The following SMAP1 variants were observed in gnomAD, a reference collection of about 807,000 sequenced individuals.
SMAP1 encodes the protein small ArfGAP 1, also known as stromal membrane-associated protein 1.
Under a neutral mutation model 58.5 loss-of-function variants are expected in SMAP1, and 24 were observed. That is an observed-to-expected ratio of 0.41 (90% CI 0.30 to 0.58). SMAP1 has a LOEUF of 0.58. SMAP1 is among the 20% of genes least tolerant of loss of function. The pLI is 0.29. For synonymous variants in SMAP1, 216 were observed against 196.6 expected, an observed-to-expected ratio of 1.10 and a Z score of -0.82; for missense variants, 563 against 566.3, an observed-to-expected ratio of 0.99 and a Z score of 0.06.
At chr6:70,730,689 A>T (rs4613778) in intron 1 of SMAP1, among the ~76,000 whole-genome samples, 1 of 152,030 alleles carries the variant, frequency 6.6e-6, no homozygotes, top group East Asian at 1.9e-4. Context: ...ATTATTTTTA[A>T]TTTTACTATA....
intron 1 of SMAP1, among the ~76,000 whole-genome samples, chr6:70,675,687 G>C (rs1308986457): frequency 1.3e-5 from 2 of 151,968 alleles, no homozygotes; most frequent in Non-Finnish European, 2.9e-5. Context: ...ACTTGGAGGG[G>C]AGTGACTGGC....
rs533019929 is a variant in SMAP1 at position 70,808,423 on chromosome 6, A to G, written c.576+9686A>G. Among the ~76,000 whole-genome samples, 18 of 152,282 alleles carry G rather than the reference A, an allele frequency of 1.2e-4. No individual in the cohort carries two copies. In the South Asian group the frequency reaches 1.5e-3, roughly 12 times the overall value. On this transcript the variant is annotated intron_variant, in intron 6 of 10. Coordinates refer to ENST00000370455, the MANE Select transcript of SMAP1 (RefSeq NM_001044305.3). ...AGTGAATGTGTTCCATGAAAACTTT[A>G]TTTTTAAAAACAGATAGCCCAATTT...
intron 6 of SMAP1, among the ~76,000 whole-genome samples, chr6:70,818,374 C>G (rs1408583589): frequency 2.0e-5 from 3 of 151,982 alleles, no homozygotes; most frequent in Admixed American, 6.6e-5. Context: ...CCATTGCACT[C>G]CAGCCTGGGC....
chr6:70,751,969 G>T (rs867075318), intron 2 of SMAP1, among the ~76,000 whole-genome samples: 3 of 152,090 alleles, frequency 2.0e-5, no homozygotes, highest in Middle Eastern at 3.2e-3. Context: ...AATTGCCAAA[G>T]AATAAGCAGA....
chr6:70,670,597 C>G (rs1766222513), intron 1 of SMAP1, among the ~76,000 whole-genome samples: 1 of 152,194 alleles, frequency 6.6e-6, no homozygotes, highest in Non-Finnish European at 1.5e-5. Flanking sequence ...AGGTCTTACT[C>G]TACAGCTCAG....
At chr6:70,778,072 A>C (rs999972856) in intron 4 of SMAP1, among the ~76,000 whole-genome samples, 4 of 152,062 alleles carry the variant, frequency 2.6e-5, no homozygotes, top group Admixed American at 2.6e-4. Context: ...TCTATTTTTA[A>C]TAATTTTTAA....
At chr6:70,746,358 G>A (rs188880919) in intron 2 of SMAP1, among the ~76,000 whole-genome samples, 1 of 152,238 alleles carries the variant, frequency 6.6e-6, no homozygotes, top group East Asian at 1.9e-4. Flanking sequence ...TCAATACCTA[G>A]TTTATTGAGA....
chr6:70,693,504 T>C (rs1048696046), intron 1 of SMAP1, among the ~76,000 whole-genome samples: 3 of 150,682 alleles, frequency 2.0e-5, no homozygotes, highest in Admixed American at 2.0e-4. Context: ...GGGTTTCACC[T>C]TGTTGGCCAG....
At chr6:70,824,981 T>G (rs1167343271) in intron 6 of SMAP1, among the ~76,000 whole-genome samples, 1 of 152,152 alleles carries the variant, frequency 6.6e-6, no homozygotes, top group Non-Finnish European at 1.5e-5. Flanking sequence ...CATGGTCTCT[T>G]GCGGCTGTCA....
At position 70,860,995 on chromosome 6, in the gene SMAP1, T is replaced by A. The variant is rs1266677813; in HGVS notation, c.*661T>A. 4 of 308,698 alleles carry A rather than the reference T, an allele frequency of 1.3e-5. No homozygotes were observed. The highest frequency in any genetic ancestry group is 1.8e-5 in the Non-Finnish European group (3 of 169,178). The allele number at this position is 308,698 out of a possible 1,614,324, so 19.1% of individuals were successfully genotyped here. On this transcript the variant is annotated 3_prime_UTR_variant, in exon 11 of 11. Coordinates refer to ENST00000370455, the MANE Select transcript of SMAP1 (RefSeq NM_001044305.3). The stretch of plus-strand genomic sequence containing the variant: ...CTTCTTAATGTACATAGTGCTAACA[T>A]GAAGACCTTTTTCTGCACTATATGC...
chr6:70,721,321 CA>C (rs755946055), intron 1 of SMAP1, among the ~76,000 whole-genome samples: 1 of 152,174 alleles, frequency 6.6e-6, no homozygotes, highest in Non-Finnish European at 1.5e-5. Context: ...ACCTCTAGGG[CA>C]GGGGCAAAAT....
intron 1 of SMAP1, among the ~76,000 whole-genome samples, chr6:70,701,273 G>A (rs1166243399): frequency 6.6e-6 from 1 of 151,822 alleles, no homozygotes; most frequent in Non-Finnish European, 1.5e-5. Flanking sequence ...GGTAGAGATG[G>A]GTTTTGCCAT....
chr6:70,777,994 C>G (rs1562153496), intron 4 of SMAP1, among the ~76,000 whole-genome samples: 1 of 152,090 alleles, frequency 6.6e-6, no homozygotes, highest in East Asian at 1.9e-4. Flanking sequence ...TCAAGTGATC[C>G]CCCTGCCTCG....
At chr6:70,754,735 A>G (rs930823941) in intron 2 of SMAP1, among the ~76,000 whole-genome samples, 1 of 152,102 alleles carries the variant, frequency 6.6e-6, no homozygotes, top group African/African-American at 2.4e-5. Flanking sequence ...TTTCACAAAA[A>G]AAGACATTTA....
intron 2 of SMAP1, among the ~76,000 whole-genome samples, chr6:70,748,468 T>G (rs779747411): frequency 4.6e-5 from 7 of 152,116 alleles, no homozygotes; most frequent in Non-Finnish European, 5.9e-5. Flanking sequence ...GAAAAATGCA[T>G]GGTAAATAAA....
chr6:70,760,993 C>G (rs963806929), intron 3 of SMAP1, among the ~76,000 whole-genome samples: 2 of 151,928 alleles, frequency 1.3e-5, no homozygotes, highest in African/African-American at 4.8e-5. Context: ...TCCATGAGAT[C>G]TATTGTGTAC....
At chr6:70,768,166 G>A (rs1767088165) in intron 3 of SMAP1, among the ~76,000 whole-genome samples, 1 of 152,190 alleles carries the variant, frequency 6.6e-6, no homozygotes, top group Admixed American at 6.5e-5. Context: ...ATTTTACTGA[G>A]GATTTTTGCA....
intron 2 of SMAP1, among the ~76,000 whole-genome samples, chr6:70,745,089 G>A (rs1765972951): frequency 1.3e-5 from 2 of 152,128 alleles, no homozygotes; most frequent in Admixed American, 1.3e-4. Context: ...TGTCAGATGG[G>A]TAGATTGCAG....
At chr6:70,846,094 G>C (rs1376209452) in intron 7 of SMAP1, among the ~76,000 whole-genome samples, 1 of 152,170 alleles carries the variant, frequency 6.6e-6, no homozygotes, top group African/African-American at 2.4e-5. Context: ...TACAGGAGAA[G>C]GATCAGCTAG....
Sources: allele counts gnomAD v4.1 joint callset (sites outside exome capture counted in the v4.1 genomes callset), GRCh38; gene constraint gnomAD v4.1.1; transcripts MANE v1.5; gene names NCBI Gene and HGNC (gene_info 2026-07-23, HGNC 2026-07-21).